The following OSBPL8 variants were observed in gnomAD, a reference collection of about 807,000 sequenced individuals.
OSBPL8 encodes the protein oxysterol binding protein like 8, also known as oxysterol-binding protein-related protein 8.
OSBPL8 carries 59 observed loss-of-function variants against 125.5 expected under a neutral mutation model. The observed-to-expected ratio is 0.47, with a 90% confidence interval of 0.38 to 0.58. The LOEUF (loss-of-function observed/expected upper bound fraction) is 0.58. OSBPL8 is among the 20% of genes least tolerant of loss of function. The pLI is 0.00. For missense variants in OSBPL8, 758 were observed against 1,047.8 expected, an observed-to-expected ratio of 0.72 and a Z score of 3.82; for synonymous variants, 330 against 338.9, an observed-to-expected ratio of 0.97 and a Z score of 0.29.
At chr12:76,450,712 C>G (rs1168665180) in intron 4 of OSBPL8, 139 bp downstream of exon 4, 1 of 809,946 alleles carries the variant, frequency 1.2e-6, no homozygotes, top group African/African-American at 1.8e-5. Context: ...ATGACCTAAA[C>G]AAAACAAACA....
At chr12:76,369,401 A>G (rs1219070803) in intron 20 of OSBPL8, 100 bp from the exon 21 acceptor site, 5 of 1,447,814 alleles carry the variant, frequency 3.5e-6, no homozygotes. Context: ...AATTATATAC[A>G]TAGTTCTAAT....
At chr12:76,427,545 A>T (rs1006079120) in intron 4 of OSBPL8, among the ~76,000 whole-genome samples, 8 of 152,036 alleles carry the variant, frequency 5.3e-5, no homozygotes, top group African/African-American at 1.9e-4. Flanking sequence ...ATAATTAAAA[A>T]AAAACTACTA....
chr12:76,406,904 T>C (rs1398513413), intron 5 of OSBPL8, among the ~76,000 whole-genome samples: 1 of 152,120 alleles, frequency 6.6e-6, no homozygotes, highest in Non-Finnish European at 1.5e-5. Flanking sequence ...TAAGCCACTG[T>C]GCCCAGCTCC....
At chr12:76,502,454 G>A (rs1466901331) in intron 1 of OSBPL8, among the ~76,000 whole-genome samples, 3 of 152,130 alleles carry the variant, frequency 2.0e-5, no homozygotes, top group Non-Finnish European at 4.4e-5. Context: ...GGCAAAGAAG[G>A]GGGTTTACTA....
In OSBPL8 at chr12:76,499,304, C is replaced by CTCTATCTATCTATCTATCTA. The variant is rs1555231510; in HGVS notation, c.-67-11706_-67-11687dup. ...ATCATGTAAGTTAATACTTAATAAACTCTATCTATCTATCTATCTATCTAT... is the reference window on the plus strand; with the variant it reads ...ATCATGTAAGTTAATACTTAATAAACTCTATCTATCTATCTATCTATCTATCTATCTATCTATCTATCTAT... On this transcript the variant is annotated intron_variant, in intron 1 of 23. Transcript: ENST00000261183. 6.4e-3 allele frequency among the ~76,000 whole-genome samples: 823 copies of CTCTATCTATCTATCTATCTA among 128,076 alleles called. 5 individuals are homozygous for CTCTATCTATCTATCTATCTA. The highest frequency in any genetic ancestry group is 0.018 in the East Asian group (83 of 4,682). The allele number at this position is 128,076 out of a possible 152,430, so 84.0% of individuals were successfully genotyped here. A position where few individuals can be genotyped will look rare whatever the true frequency, so the allele number is the denominator to read the frequency against.
chr12:76,552,570 C>A (rs1950977063), intron 1 of OSBPL8, among the ~76,000 whole-genome samples: 1 of 151,970 alleles, frequency 6.6e-6, no homozygotes, highest in Non-Finnish European at 1.5e-5. Flanking sequence ...TAATGACAGG[C>A]TTCCTGGCTC....
chr12:76,442,891 T>TA (rs1872351194), intron 4 of OSBPL8, among the ~76,000 whole-genome samples: 1 of 152,220 alleles, frequency 6.6e-6, no homozygotes, highest in Non-Finnish European at 1.5e-5. Flanking sequence ...GGGAATCTGG[T>TA]ACAGTATCTT....
At chr12:76,547,242 C>A (rs1308492225) in intron 1 of OSBPL8, among the ~76,000 whole-genome samples, 2 of 151,814 alleles carry the variant, frequency 1.3e-5, no homozygotes, top group Non-Finnish European at 2.9e-5. Context: ...TGCATTCTGC[C>A]AATGCAGAAA....
intron 4 of OSBPL8, among the ~76,000 whole-genome samples, chr12:76,441,783 G>C (rs1450847939): frequency 6.6e-6 from 1 of 151,976 alleles, no homozygotes; most frequent in Non-Finnish European, 1.5e-5. Flanking sequence ...CTGGAGGCTG[G>C]GAAGAGTAGT....
At chr12:76,470,426 G>A (rs759917068) in intron 2 of OSBPL8, among the ~76,000 whole-genome samples, 2 of 152,156 alleles carry the variant, frequency 1.3e-5, no homozygotes, top group African/African-American at 2.4e-5. Flanking sequence ...CTGGTTATAT[G>A]AGACAGCATA....
chr12:76,495,533 A>G (rs1051112362), intron 1 of OSBPL8, among the ~76,000 whole-genome samples: 19 of 152,238 alleles, frequency 1.2e-4, no homozygotes, highest in African/African-American at 3.6e-4. Context: ...CTGGCATTTT[A>G]AAATACAGAA....
chr12:76,454,778 T>C (rs1169146605), intron 3 of OSBPL8, among the ~76,000 whole-genome samples: 1 of 147,924 alleles, frequency 6.8e-6, no homozygotes, highest in Non-Finnish European at 1.5e-5. Context: ...TAGAAAATTA[T>C]ATAAACCATG....
chr12:76,523,713 C>G (rs938268029), intron 1 of OSBPL8, among the ~76,000 whole-genome samples: 8 of 152,188 alleles, frequency 5.3e-5, no homozygotes, highest in African/African-American at 1.9e-4. Flanking sequence ...CTCACTGGAA[C>G]CTGACCATGC....
At chr12:76,369,398 T>C in intron 20 of OSBPL8, 97 bp from the exon 21 acceptor site, 1 of 1,451,816 alleles carries the variant, frequency 6.9e-7, no homozygotes, top group South Asian at 1.5e-5. Context: ...AATAATTATA[T>C]ACATAGTTCT....
intron 23 of OSBPL8, 139 bp from the exon 24 acceptor site, chr12:76,356,160 G>A (rs1333854406): frequency 1.8e-6 from 1 of 545,722 alleles, no homozygotes; most frequent in Non-Finnish European, 3.2e-6. Context: ...GGTATGTAGG[G>A]GTGGGGGGGG....
At chr12:76,440,916 T>G (rs1159996217) in intron 4 of OSBPL8, among the ~76,000 whole-genome samples, 1 of 152,164 alleles carries the variant, frequency 6.6e-6, no homozygotes, top group Non-Finnish European at 1.5e-5. Flanking sequence ...CTCCTGTTAA[T>G]TCCCTTATTT....
chr12:76,424,632 C>CT (rs1869920791), intron 4 of OSBPL8, among the ~76,000 whole-genome samples: 1 of 152,076 alleles, frequency 6.6e-6, no homozygotes, highest in African/African-American at 2.4e-5. Flanking sequence ...CCTAGAAATA[C>CT]TTAAACAGTT....
chr12:76,412,772 C>G (rs1325922577), intron 4 of OSBPL8, among the ~76,000 whole-genome samples: 1 of 152,018 alleles, frequency 6.6e-6, no homozygotes, highest in Admixed American at 6.6e-5. Context: ...TTATGTTGAC[C>G]AACATCAACA....
At position 76,498,601 on chromosome 12, in the gene OSBPL8, G is replaced by A. The variant is rs116907033; in HGVS notation, c.-67-10983C>T. On this transcript the variant is annotated intron_variant, in intron 1 of 23. Transcript: ENST00000261183. ...GAAATGTTCAAATGCTTTGAACGCA[G>A]ACATTTTATAAGCTCTCATTTGAAT... 7.6e-3 allele frequency among the ~76,000 whole-genome samples: 1,158 copies of A among 152,208 alleles called. 8 individuals carry two copies. Among genetic ancestry groups the A allele is most frequent in the Admixed American group, 0.013 (196 of 15,280 alleles).
Sources: gnomAD v4.1 joint callset for allele counts (sites outside exome capture counted in the v4.1 genomes callset) on GRCh38, gnomAD v4.1.1 for gene constraint, MANE v1.5 for transcripts, NCBI Gene and HGNC (gene_info 2026-07-23, HGNC 2026-07-21) for gene names.